The following CCDC38 variants were observed in gnomAD, a reference collection of about 807,000 sequenced individuals.
CCDC38 encodes the protein coiled-coil domain containing 38.
Under a neutral mutation model 72.8 loss-of-function variants are expected in CCDC38, and 69 were observed. The ratio of observed to expected loss-of-function variants is 0.95; its 90% CI spans 0.78 to 1.16. The LOEUF (loss-of-function observed/expected upper bound fraction) is 1.16. Among genes scored for constraint, CCDC38 ranks in the 50% most tolerant of loss-of-function variants. CCDC38 has a pLI of 0.00. For missense variants in CCDC38, 626 were observed against 638.9 expected, an observed-to-expected ratio of 0.98 and a Z score of 0.22; for synonymous variants, 201 against 213.2, an observed-to-expected ratio of 0.94 and a Z score of 0.50.
rs1383563181 is a variant in CCDC38, at chr12:95,917,161, GGC to G, written c.270_271del (p.Pro91ArgfsTer7). The G allele has an allele frequency of 1.2e-6, 2 of 1,601,358 alleles. No homozygotes were observed. Reference sequence around the variant, plus strand: ...TAATCTAGGAATCGGAGCAGGACCTGGCCCAAACTTTTCAAATGACCTACCAC... The same window carrying G: ...TAATCTAGGAATCGGAGCAGGACCTGCCAAACTTTTCAAATGACCTACCAC... On this transcript the variant is annotated frameshift_variant, in exon 4 of 16. Transcript: ENST00000344280. LOFTEE classifies it high-confidence loss of function.
intron 9 of CCDC38, among the ~76,000 whole-genome samples, chr12:95,889,651 A>G (rs1015890885): frequency 1.3e-5 from 2 of 152,098 alleles, no homozygotes; most frequent in Admixed American, 1.3e-4. Flanking sequence ...AATACATCCC[A>G]AGTTTGATAG....
chr12:95,892,502 T>C (rs556010415), intron 8 of CCDC38, among the ~76,000 whole-genome samples: 3 of 151,598 alleles, frequency 2.0e-5, no homozygotes, highest in Non-Finnish European at 1.5e-5. Flanking sequence ...CAAGCTGGTC[T>C]CCTGGCTCAA....
chr12:95,869,836 T>C lies in CCDC38; in HGVS notation c.1485-263A>G, dbSNP rs1021591436. Reference sequence around the variant, plus strand: ...ATCTTGGTCTATTTTTTTTTTTTTTTCCTCAGAGACAGAGTCTCAGTCTGT... The same window carrying C: ...ATCTTGGTCTATTTTTTTTTTTTTTCCCTCAGAGACAGAGTCTCAGTCTGT... On this transcript the variant is annotated intron_variant, in intron 14 of 15. Coordinates refer to ENST00000344280, the MANE Select transcript of CCDC38 (RefSeq NM_182496.3). The C allele has an allele frequency of 3.2e-3, 961 of 301,774 alleles. 6 individuals are homozygous for C. The highest frequency in any genetic ancestry group is 4.8e-3 in the South Asian group (161 of 33,398). 18.7% of individuals were successfully genotyped at this position (301,774 alleles called of 1,614,324 possible).
At chr12:95,937,215 C>G (rs1420461971) in intron 1 of CCDC38, among the ~76,000 whole-genome samples, 1 of 152,144 alleles carries the variant, frequency 6.6e-6, no homozygotes, top group Non-Finnish European at 1.5e-5. Flanking sequence ...CAGTCTCTGA[C>G]CCTGTACTTG....
chr12:95,940,917 G>A (rs1285558269), intron 1 of CCDC38, among the ~76,000 whole-genome samples: 1 of 152,052 alleles, frequency 6.6e-6, no homozygotes, highest in Non-Finnish European at 1.5e-5. Context: ...AGGTCAAGAG[G>A]AAGGAAGGAT....
In CCDC38 at chr12:95,879,939, G is replaced by A. The variant is rs923061976; in HGVS notation, c.991-144C>T. 3.2e-5 allele frequency: 17 copies of A among 532,794 alleles called. No individual in the cohort carries two copies. The highest frequency in any genetic ancestry group is 2.1e-4 in the African/African-American group (11 of 52,772). 33.0% of individuals were successfully genotyped at this position (532,794 alleles called of 1,614,324 possible). A position where few individuals can be genotyped will look rare whatever the true frequency, so the allele number is the denominator to read the frequency against. ...AGGTAGGAACTTGTATGGGAAACTC[G>A]CCTATTTCCAAGTGAGAGCTGGCTT... On this transcript the variant is annotated intron_variant, in intron 11 of 15. Transcript: ENST00000344280. The surrounding 1 kb of genome is among the most constrained non-coding windows in gnomAD (Gnocchi z 5.5).
chr12:95,891,120 C>T (rs933703842), intron 8 of CCDC38, among the ~76,000 whole-genome samples, 190 bp from the exon 9 acceptor site: 7 of 152,130 alleles, frequency 4.6e-5, no homozygotes, highest in African/African-American at 1.7e-4. Flanking sequence ...ACATAATATG[C>T]AGATGGTAAT....
intron 3 of CCDC38, 44 bp downstream of exon 3, chr12:95,918,832 T>G (rs1339335770): frequency 7.6e-7 from 1 of 1,314,760 alleles, no homozygotes; most frequent in African/African-American, 1.5e-5. Flanking sequence ...TAAGTGGATA[T>G]GATTCTAACA....
intron 8 of CCDC38, among the ~76,000 whole-genome samples, chr12:95,891,261 T>A (rs1367598730): frequency 4.6e-5 from 7 of 152,262 alleles, no homozygotes; most frequent in Admixed American, 3.3e-4. Context: ...ATCCCAAATG[T>A]TAGCTTTCAA....
intron 2 of CCDC38, among the ~76,000 whole-genome samples, chr12:95,928,052 G>A (rs1327523244): frequency 1.2e-4 from 17 of 142,974 alleles, no homozygotes; most frequent in East Asian, 6.3e-4. Flanking sequence ...TCTTTGTGGC[G>A]TTCTCTGTAT....
Position 95,879,697 on chromosome 12 carries a change from T to C in CCDC38, c.1089A>G (p.Val363=), listed in dbSNP as rs557638832. Residue 363 remains valine (V), a synonymous_variant, in exon 12 of 16, where the codon GTA becomes GTG. Coordinates refer to ENST00000344280, the MANE Select transcript of CCDC38 (RefSeq NM_182496.3). This position sits in a 1 kb window ranked among gnomAD's most constrained non-coding sequence, Gnocchi z 5.5. ...NLTLFQYSQD[V]DENLEEVNKR... is the part of the protein sequence containing the mutation. ...TGTTTACCTCTTCAAGATTTTCATC[T>C]ACATCTTGGGAATATTGAAACAAAG... 9 of 1,607,142 alleles carry C rather than the reference T, an allele frequency of 5.6e-6. No homozygotes were observed. In the Admixed American group the frequency reaches 1.2e-4, roughly 21 times the overall value.
chr12:95,899,600 T>C (rs1167947476), intron 5 of CCDC38, among the ~76,000 whole-genome samples: 1 of 152,166 alleles, frequency 6.6e-6, no homozygotes, highest in Non-Finnish European at 1.5e-5. Context: ...CACCCAGACC[T>C]ATTTGGGTTT....
intron 2 of CCDC38, among the ~76,000 whole-genome samples, chr12:95,936,200 T>C (rs1039528828): frequency 1.3e-5 from 2 of 152,222 alleles, no homozygotes; most frequent in African/African-American, 4.8e-5. Flanking sequence ...TAGTTAGGTA[T>C]GTCCTTGACT....
At position 95,917,153 on chromosome 12, in the gene CCDC38, CAGGA is replaced by C; in HGVS notation, c.276_279del (p.Pro93LeufsTer6). 1 of 1,592,988 alleles carries C rather than the reference CAGGA, an allele frequency of 6.3e-7. No homozygotes were observed. Among genetic ancestry groups the C allele is most frequent in the Non-Finnish European group, 8.5e-7 (1 of 1,175,370 alleles). On this transcript the variant is annotated frameshift_variant, in exon 4 of 16. Transcript: ENST00000344280. LOFTEE classifies it high-confidence loss of function. The stretch of plus-strand genomic sequence containing the variant: ...CCTTCTATTAATCTAGGAATCGGAG[CAGGA>C]CCTGGCCCAAACTTTTCAAATGACC...
At position 95,879,836 on chromosome 12, in the gene CCDC38, A is replaced by G. The variant is rs760388444; in HGVS notation, c.991-41T>C. On this transcript the variant is annotated intron_variant, in intron 11 of 15. Transcript: ENST00000344280. This position sits in a 1 kb window ranked among gnomAD's most constrained non-coding sequence, Gnocchi z 5.5. Reference sequence around the variant, plus strand: ...TGAAGAATATAATTTACTTAAAAATATGCTACCTATGCACATGTGACTTAT... The same window carrying G: ...TGAAGAATATAATTTACTTAAAAATGTGCTACCTATGCACATGTGACTTAT... 1 of 1,454,562 alleles carries G rather than the reference A, an allele frequency of 6.9e-7. No individual in the cohort carries two copies. Among genetic ancestry groups the G allele is most frequent in the African/African-American group, 1.4e-5 (1 of 70,742 alleles). The allele number at this position is 1,454,562 out of a possible 1,614,324, so 90.1% of individuals were successfully genotyped here.
rs756996860 is a variant in CCDC38, at chr12:95,890,940, G to A, written c.773-10C>T. 4 of 1,482,036 alleles carry A rather than the reference G, an allele frequency of 2.7e-6. No individual in the cohort carries two copies. The highest frequency in any genetic ancestry group is 3.4e-5 in the Admixed American group (2 of 58,978). 91.8% of individuals were successfully genotyped at this position (1,482,036 alleles called of 1,614,324 possible). On this transcript the variant is annotated splice_polypyrimidine_tract_variant and intron_variant, in intron 8 of 15. Transcript: ENST00000344280. ...GAATGTAATGATAATTCTAGAAATG[G>A]CAAATGAAGAGGAGAGAGACAGAGA...
intron 5 of CCDC38, among the ~76,000 whole-genome samples, chr12:95,905,084 GTAGAT>G: frequency 6.6e-6 from 1 of 152,250 alleles, no homozygotes; most frequent in Admixed American, 6.5e-5. Context: ...TAAATAATCT[GTAGAT>G]TAATTATAGT....
At position 95,888,443 on chromosome 12, in the gene CCDC38, A is replaced by C; in HGVS notation, c.920+15T>G. The stretch of plus-strand genomic sequence containing the variant: ...TTCCCAGTTTCCAAGGGAGTTAGTC[A>C]AGTATATACTGTACTTTGATTTCTT... On this transcript the variant is annotated intron_variant, in intron 10 of 15. Transcript: ENST00000344280. The C allele has an allele frequency of 6.2e-7, 1 of 1,611,750 alleles. No homozygotes were observed. Among genetic ancestry groups the C allele is most frequent in the Non-Finnish European group, 8.5e-7 (1 of 1,178,324 alleles).
At chr12:95,910,380 A>G (rs1338313278) in intron 4 of CCDC38, among the ~76,000 whole-genome samples, 1 of 152,134 alleles carries the variant, frequency 6.6e-6, no homozygotes, top group Non-Finnish European at 1.5e-5. Context: ...GAACTCTACA[A>G]TGAGAATTAC....
Sources: allele counts gnomAD v4.1 joint callset (sites outside exome capture counted in the v4.1 genomes callset), GRCh38; gene constraint gnomAD v4.1.1; non-coding constraint Gnocchi (gnomAD v3.1); transcripts MANE v1.5; gene names NCBI Gene and HGNC (gene_info 2026-07-23, HGNC 2026-07-21).